NUP210: variants seen among roughly 807,000 people sequenced by gnomAD.
The protein encoded by NUP210 is nuclear pore membrane glycoprotein 210.
NUP210 carries 151 observed loss-of-function variants against 196.0 expected under a neutral mutation model. The observed-to-expected ratio is 0.77, with a 90% confidence interval of 0.67 to 0.88. NUP210 has a LOEUF of 0.88. Ranked by LOEUF, NUP210 falls within the 40% of genes least tolerant of loss-of-function variation. The probability of loss-of-function intolerance (pLI) is 0.00; values close to 1 mark genes in which losing one functional copy is unlikely to be tolerated. For synonymous variants in NUP210, 1,070 were observed against 1,052.7 expected (o/e 1.02, Z -0.32); for missense variants, 2,314 against 2,493.7 (o/e 0.93, Z 1.53).
intron 1 of NUP210, among the ~76,000 whole-genome samples, chr3:13,411,405 G>C (rs906349280): frequency 6.6e-6 from 1 of 152,214 alleles, no homozygotes; most frequent in Non-Finnish European, 1.5e-5. Context: ...GAGGCTCTTG[G>C]ACCCAGGCTC....
At position 13,401,426 on chromosome 3, in the gene NUP210, C is replaced by T. The variant is rs116541323; in HGVS notation, c.168-1565G>A. Among the ~76,000 whole-genome samples, 499 of 152,210 alleles carry T rather than the reference C, an allele frequency of 3.3e-3. 4 individuals carry two copies. The highest frequency in any genetic ancestry group is 0.012 in the African/African-American group (484 of 41,516). On this transcript the variant is annotated intron_variant, in intron 1 of 39. Transcript: ENST00000254508. Reference sequence around the variant, plus strand: ...GACACCACCTGGCCACAATGGGCTGCGGCAGGAGGCCTCCAGATGGACCTT... The same window carrying T: ...GACACCACCTGGCCACAATGGGCTGTGGCAGGAGGCCTCCAGATGGACCTT...
At position 13,335,606 on chromosome 3, in the gene NUP210, T is replaced by C. The variant is rs1177534902; in HGVS notation, c.3691A>G (p.Ile1231Val). The C allele has an allele frequency of 2.5e-6, 4 of 1,613,970 alleles. No individual in the cohort carries two copies. In the African/African-American group the frequency reaches 5.3e-5, roughly 22 times the overall value. ...DLRGRHHEAS[I>V]RLPSQYNFAM... ...AAGTTGTACTGTGACGGGAGTCGGA[T>C]CGACGCCTGGGAAGACATCAAACAC... is the stretch of plus-strand genomic sequence containing the variant. Residue 1231 changes from isoleucine (I) to valine (V), a missense_variant, in exon 28 of 40, where the codon ATC (isoleucine) becomes GTC (valine). By Grantham distance (29) the Ile-to-Val change is conservative. Transcript: ENST00000254508.
At chr3:13,403,934 A>G (rs571220005) in intron 1 of NUP210, among the ~76,000 whole-genome samples, 4 of 152,066 alleles carry the variant, frequency 2.6e-5, no homozygotes, top group Non-Finnish European at 5.9e-5. Flanking sequence ...TCACAAGCAG[A>G]CCGGGCCACG....
chr3:13,402,121 GC>G, intron 1 of NUP210, among the ~76,000 whole-genome samples: 1 of 152,268 alleles, frequency 6.6e-6, no homozygotes, highest in South Asian at 2.1e-4. Flanking sequence ...GATCCCTTGA[GC>G]CCAGGAGTTC....
intron 14 of NUP210, among the ~76,000 whole-genome samples, chr3:13,361,542 G>C (rs1178339657): frequency 6.6e-6 from 1 of 152,122 alleles, no homozygotes; most frequent in East Asian, 1.9e-4. Context: ...GGGGTGCGGA[G>C]AGGAGGGATT....
At chr3:13,419,811 C>T (rs1238168005) in intron 1 of NUP210, among the ~76,000 whole-genome samples, 1 of 152,052 alleles carries the variant, frequency 6.6e-6, no homozygotes, top group Non-Finnish European at 1.5e-5. Context: ...CCAGAACACG[C>T]GGGTCACGGC....
intron 11 of NUP210, among the ~76,000 whole-genome samples, chr3:13,374,215 C>T (rs1483279741): frequency 6.6e-6 from 1 of 152,174 alleles, no homozygotes; most frequent in East Asian, 1.9e-4. Context: ...CTCATTCGTA[C>T]ACATGCTCAC....
intron 1 of NUP210, among the ~76,000 whole-genome samples, chr3:13,400,344 G>A (rs548976039): frequency 6.6e-6 from 1 of 152,140 alleles, no homozygotes; most frequent in Non-Finnish European, 1.5e-5. Context: ...TAACCCTGGG[G>A]ATCACTACCT....
chr3:13,319,268 A>T lies in NUP210; in HGVS notation c.5441T>A (p.Leu1814His), dbSNP rs769277542. 1 of 1,613,358 alleles carries T rather than the reference A, an allele frequency of 6.2e-7. No homozygotes were observed. The highest frequency in any genetic ancestry group is 8.5e-7 in the Non-Finnish European group (1 of 1,179,686). Residue 1814 changes from leucine to histidine, a missense_variant, in exon 38 of 40, where the codon CTC becomes CAC. Coordinates refer to ENST00000254508, the MANE Select transcript of NUP210 (RefSeq NM_024923.4). Reference sequence around the variant, plus strand: ...CGCTGTCCCAGCCAACAGGGCGAAGAGCGTGAAGAACATGACCTGGTAGGA... The same window carrying T: ...CGCTGTCCCAGCCAACAGGGCGAAGTGCGTGAAGAACATGACCTGGTAGGA... ...LDSYQVMFFT[L>H]FALLAGTAVM...
intron 33 of NUP210, 69 bp downstream of exon 33, chr3:13,325,726 C>A (rs1234286704): frequency 6.4e-7 from 1 of 1,566,714 alleles, no homozygotes; most frequent in Non-Finnish European, 8.7e-7. Flanking sequence ...TCTTCATAAT[C>A]CTCCCAGAAG....
chr3:13,419,982 C>A (rs929691205), intron 1 of NUP210, 78 bp downstream of exon 1: 3 of 1,000,236 alleles, frequency 3.0e-6, no homozygotes, highest in Non-Finnish European at 3.7e-6. Flanking sequence ...CTGCCGGCCT[C>A]CCGGCGCCCG....
At chr3:13,391,542 C>T (rs1467306741) in intron 3 of NUP210, among the ~76,000 whole-genome samples, 1 of 151,166 alleles carries the variant, frequency 6.6e-6, no homozygotes, top group African/African-American at 2.4e-5. Flanking sequence ...TAGGGCTGTC[C>T]GATGAAAGCT....
In NUP210 at chr3:13,336,944, G is replaced by A. The variant is rs552674917; in HGVS notation, c.3553-26C>T. Reference sequence around the variant, plus strand: ...CTGCAGGGGAGAAGTCAGGCCCAGTGAGCAGTAGCTCCCAGCACTGGGAAT... The same window carrying A: ...CTGCAGGGGAGAAGTCAGGCCCAGTAAGCAGTAGCTCCCAGCACTGGGAAT... On this transcript the variant is annotated intron_variant, in intron 26 of 39. Transcript: ENST00000254508. 66 of 1,611,974 alleles carry A rather than the reference G, an allele frequency of 4.1e-5. No individual in the cohort carries two copies. The East Asian group carries it at 1.3e-3, about 32-fold the overall frequency.
intron 1 of NUP210, among the ~76,000 whole-genome samples, chr3:13,400,971 T>C (rs1051090737): frequency 3.9e-5 from 6 of 152,076 alleles, no homozygotes; most frequent in Non-Finnish European, 8.8e-5. Context: ...AAAGCAATGG[T>C]GCGTGGCCAG....
chr3:13,321,482 A>G (rs1696524991), intron 36 of NUP210, 103 bp downstream of exon 36: 1 of 1,273,634 alleles, frequency 7.9e-7, no homozygotes, highest in South Asian at 1.5e-5. Flanking sequence ...ATAAATTTTA[A>G]AGAGAGCTGG....
chr3:13,386,526 C>T, intron 5 of NUP210, 119 bp from the exon 6 acceptor site: 1 of 1,298,186 alleles, frequency 7.7e-7, no homozygotes, highest in Non-Finnish European at 1.1e-6. Flanking sequence ...AGGAAAGAAA[C>T]AAGATATCAT....
chr3:13,377,161 G>A (rs1156667282), intron 9 of NUP210, among the ~76,000 whole-genome samples: 1 of 152,126 alleles, frequency 6.6e-6, no homozygotes, highest in Non-Finnish European at 1.5e-5. Context: ...GAGAGTGGCG[G>A]GCAGAGACCT....
At chr3:13,327,512 C>T (rs1696816071) in intron 31 of NUP210, 75 bp from the exon 32 acceptor site, 1 of 1,100,660 alleles carries the variant, frequency 9.1e-7, no homozygotes, top group African/African-American at 1.5e-5. Flanking sequence ...GAAACGTAAT[C>T]CATGTCCTCT....
At chr3:13,401,259 C>CAGAAAAAAAAAAAAAA (rs1699828361) in intron 1 of NUP210, among the ~76,000 whole-genome samples, 1 of 43,846 alleles carries the variant, frequency 2.3e-5, no homozygotes, top group Non-Finnish European at 4.0e-5. Context: ...GACTCTGGCT[C>CAGAAAAAAAAAAAAAA]AAAAAAAAAA....
Sources: allele counts gnomAD v4.1 joint callset (sites outside exome capture counted in the v4.1 genomes callset), GRCh38; gene constraint gnomAD v4.1.1; transcripts MANE v1.5; gene names NCBI Gene and HGNC (gene_info 2026-07-23, HGNC 2026-07-21).